PLEKHA5: variants seen among roughly 807,000 people sequenced by gnomAD.
PLEKHA5 encodes pleckstrin homology domain-containing family A member 5.
A neutral mutation model predicts 181.9 loss-of-function variants in PLEKHA5; 55 were observed. That is an observed-to-expected ratio of 0.30 (90% CI 0.24 to 0.38). The LOEUF is 0.38. Among genes scored for constraint, PLEKHA5 ranks in the 10% least tolerant of loss-of-function variants. The pLI is 1.00. For missense variants in PLEKHA5, 1,432 were observed against 1,549.5 expected (o/e 0.92, Z 1.27); for synonymous variants, 535 against 529.4 (o/e 1.01, Z -0.15).
chr12:19,299,025 G>A (rs1486168632), intron 15 of PLEKHA5, among the ~76,000 whole-genome samples: 5 of 152,208 alleles, frequency 3.3e-5, no homozygotes, highest in African/African-American at 1.2e-4. Flanking sequence ...AGAAAAACAA[G>A]TGGCAGAATA....
At chr12:19,214,407 A>G (rs578200312) in intron 3 of PLEKHA5, among the ~76,000 whole-genome samples, 22 of 152,068 alleles carry the variant, frequency 1.4e-4, no homozygotes, top group Non-Finnish European at 2.6e-4. Context: ...GGTGGGAGGG[A>G]GGAAGTGAGA....
chr12:19,262,951 A>G (rs1047307304), intron 7 of PLEKHA5, among the ~76,000 whole-genome samples: 2 of 152,222 alleles, frequency 1.3e-5, no homozygotes, highest in Non-Finnish European at 2.9e-5. Context: ...TGCATTTTAT[A>G]TGCAATGTAT....
chr12:19,229,399 G>A (rs1489422423), intron 3 of PLEKHA5, among the ~76,000 whole-genome samples: 5 of 152,170 alleles, frequency 3.3e-5, no homozygotes, highest in African/African-American at 1.2e-4. Flanking sequence ...TGTGTTCGGA[G>A]TTTCTTCCTT....
At chr12:19,368,989 C>T (rs1365478581) in intron 30 of PLEKHA5, among the ~76,000 whole-genome samples, 1 of 150,898 alleles carries the variant, frequency 6.6e-6, no homozygotes, top group Non-Finnish European at 1.5e-5. Flanking sequence ...AACCTCAAAG[C>T]AGAAAAAAAA....
At chr12:19,241,568 C>A (rs906695289) in intron 3 of PLEKHA5, among the ~76,000 whole-genome samples, 1 of 152,000 alleles carries the variant, frequency 6.6e-6, no homozygotes, top group Non-Finnish European at 1.5e-5. Context: ...ACCAGCCTGG[C>A]CAACATGGTA....
chr12:19,348,569 A>G (rs1416228693), intron 25 of PLEKHA5, 50 bp downstream of exon 25: 4 of 1,411,448 alleles, frequency 2.8e-6, no homozygotes, highest in East Asian at 2.5e-5. Context: ...TTTGAAGACA[A>G]TTTACTGCCA....
chr12:19,173,793 G>A (rs1164699619), intron 3 of PLEKHA5, among the ~76,000 whole-genome samples: 3 of 152,008 alleles, frequency 2.0e-5, no homozygotes, highest in Non-Finnish European at 4.4e-5. Context: ...TTTGAATTTG[G>A]CCAGGTCTCA....
chr12:19,243,361 G>A (rs1247119034), intron 3 of PLEKHA5: 1 of 152,204 alleles, frequency 6.6e-6, no homozygotes, highest in South Asian at 2.1e-4. Context: ...CTCGGTTTAT[G>A]TATTCATAAA....
chr12:19,347,588 GA>G (rs1343650014), intron 24 of PLEKHA5, among the ~76,000 whole-genome samples: 14 of 152,106 alleles, frequency 9.2e-5, no homozygotes, highest in Admixed American at 8.5e-4. Flanking sequence ...TTTGGTCTAG[GA>G]AAACTACTCA....
intron 12 of PLEKHA5, among the ~76,000 whole-genome samples, chr12:19,285,675 T>A (rs1439121307): frequency 6.6e-6 from 1 of 152,226 alleles, no homozygotes; most frequent in Non-Finnish European, 1.5e-5. Flanking sequence ...ATGCTAGTGG[T>A]CATTGTAGCC....
intron 12 of PLEKHA5, 67 bp from the exon 13 acceptor site, chr12:19,287,406 C>A: frequency 1.2e-6 from 1 of 859,904 alleles, no homozygotes; most frequent in Non-Finnish European, 2.0e-6. Context: ...TAAGATTTCT[C>A]CTTGCTGACA....
chr12:19,217,509 G>C (rs1054781906), intron 3 of PLEKHA5, among the ~76,000 whole-genome samples: 1 of 152,106 alleles, frequency 6.6e-6, no homozygotes, highest in African/African-American at 2.4e-5. Context: ...GCCAATTGTG[G>C]GATAAGGTAG....
chr12:19,238,684 A>G (rs1565502816), intron 3 of PLEKHA5, among the ~76,000 whole-genome samples: 1 of 151,984 alleles, frequency 6.6e-6, no homozygotes, highest in Non-Finnish European at 1.5e-5. Context: ...TATACATTTT[A>G]AACAAAGATG....
chr12:19,331,745 G>A (rs557902194), intron 20 of PLEKHA5, among the ~76,000 whole-genome samples: 9 of 152,162 alleles, frequency 5.9e-5, no homozygotes, highest in Non-Finnish European at 7.4e-5. Flanking sequence ...AATCTTGGCC[G>A]GGCCTGCTGG....
At chr12:19,244,083 A>G (rs2152470365) in intron 3 of PLEKHA5, among the ~76,000 whole-genome samples, 1 of 152,228 alleles carries the variant, frequency 6.6e-6, no homozygotes, top group South Asian at 2.1e-4. Flanking sequence ...TAATTTTTAA[A>G]TTACTTGACT....
intron 3 of PLEKHA5, among the ~76,000 whole-genome samples, chr12:19,187,817 A>G (rs1321405684): frequency 2.0e-5 from 3 of 152,324 alleles, no homozygotes; most frequent in African/African-American, 4.8e-5. Flanking sequence ...ACAAGAACAT[A>G]TTTTTATGAA....
chr12:19,186,494 A>G (rs1289725763), intron 3 of PLEKHA5, among the ~76,000 whole-genome samples: 1 of 152,224 alleles, frequency 6.6e-6, no homozygotes, highest in Non-Finnish European at 1.5e-5. Flanking sequence ...AATAACGTGA[A>G]TAACTGAAAA....
chr12:19,308,070 G>A (rs1357049225), intron 15 of PLEKHA5, among the ~76,000 whole-genome samples: 2 of 152,028 alleles, frequency 1.3e-5, no homozygotes, highest in East Asian at 3.9e-4. Context: ...TTATGATGAA[G>A]AGGAACAAGG....
chr12:19,342,855 TTTG>T (rs1800427456), intron 21 of PLEKHA5, among the ~76,000 whole-genome samples: 1 of 152,162 alleles, frequency 6.6e-6, no homozygotes, highest in South Asian at 2.1e-4. Context: ...TAGTTGTACC[TTTG>T]TTGTTGTTTT....
Sources: allele counts gnomAD v4.1 joint callset (sites outside exome capture counted in the v4.1 genomes callset), GRCh38; gene constraint gnomAD v4.1.1; transcripts MANE v1.5; gene names NCBI Gene and HGNC (gene_info 2026-07-23, HGNC 2026-07-21).